The following LENG8 variants were observed in gnomAD, a reference collection of about 807,000 sequenced individuals.
LENG8 encodes the protein leukocyte receptor cluster member 8, also known as leukocyte receptor cluster (LRC) member 8.
LENG8 carries 28 observed loss-of-function variants against 102.1 expected under a neutral mutation model. The observed-to-expected ratio is 0.27, with a 90% CI of 0.20 to 0.38. The LOEUF (loss-of-function observed/expected upper bound fraction) is 0.38. Among genes scored for constraint, LENG8 ranks in the 10% least tolerant of loss-of-function variants. LENG8 has a pLI of 1.00. For missense variants in LENG8, 1,022 were observed against 1,113.9 expected (o/e 0.92, Z 1.17); for synonymous variants, 531 against 456.7 (o/e 1.16, Z -2.07).
rs1366644624 is a variant in LENG8 at position 54,457,984 on chromosome 19, C to T, written c.1884C>T (p.Ala628=). The T allele has an allele frequency of 6.2e-7, 1 of 1,613,734 alleles. No individual in the cohort carries two copies. ...EFTVEVYETH[A]RIALEKGDHE... is the part of the protein sequence containing the mutation. ...CGGTGGAGGTGTACGAGACCCATGC[C>T]CGGATCGCCTTGGAGAAGGTGAGCT... Residue 628 remains alanine (A), a synonymous_variant, in exon 13 of 16, where the codon GCC becomes GCT. Transcript: ENST00000326764.
rs761422238 is a variant in LENG8 at position 54,454,427 on chromosome 19, C to T, written c.427-3C>T. On this transcript the variant is annotated splice_polypyrimidine_tract_variant and splice_region_variant and intron_variant, in intron 5 of 15. Coordinates refer to ENST00000326764, the MANE Select transcript of LENG8 (RefSeq NM_052925.4). ...CGTGCTCAGCGCCTGCTTCCTTCTG[C>T]AGCCCCCAGTCCCCGGCATGGATGA... 1.5e-5 allele frequency: 24 copies of T among 1,597,772 alleles called. No homozygotes were observed. Among genetic ancestry groups the T allele is most frequent in the Admixed American group, 3.4e-5 (2 of 58,580 alleles).
chr19:54,457,871 C>T (rs371414782), intron 12 of LENG8, 23 bp downstream of exon 12: 1 of 1,612,786 alleles, frequency 6.2e-7, no homozygotes, highest in Non-Finnish European at 8.5e-7. Flanking sequence ...CTGGGAGGGG[C>T]CTGGCCTCAG....
In LENG8 at chr19:54,457,621, G is replaced by A. The variant is rs559560889; in HGVS notation, c.1732-126G>A. 1.5e-4 allele frequency: 111 copies of A among 729,320 alleles called. 1 individual carries two copies. The African/African-American group carries it at 1.8e-3, about 12-fold the overall frequency. 45.2% of individuals were successfully genotyped at this position (729,320 alleles called of 1,614,324 possible). A position where few individuals can be genotyped will look rare whatever the true frequency, so the allele number is the denominator to read the frequency against. On this transcript the variant is annotated intron_variant, in intron 11 of 15. Transcript: ENST00000326764. The stretch of plus-strand genomic sequence containing the variant: ...CTCCCAAAGTGCTGGGATTACAGGC[G>A]TGAGCCACTGCGCCTGGCCTTTTTT...
Position 54,461,186 on chromosome 19 carries a change from T to C in LENG8, c.*258T>C, listed in dbSNP as rs977648483. ...AGGGTTGGGGGCATGGTCTGCAGGC[T>C]CATCTGTGTCCGCCTTTCACTCCAC... On this transcript the variant is annotated 3_prime_UTR_variant, in exon 16 of 16. Coordinates refer to ENST00000326764, the MANE Select transcript of LENG8 (RefSeq NM_052925.4). 5.9e-6 allele frequency: 4 copies of C among 682,276 alleles called. No homozygotes were observed. In the African/African-American group the frequency reaches 7.0e-5, roughly 12 times the overall value. 42.3% of individuals were successfully genotyped at this position (682,276 alleles called of 1,614,324 possible).
At chr19:54,458,629 G>C in intron 15 of LENG8, 108 bp downstream of exon 15, 6 of 1,564,548 alleles carry the variant, frequency 3.8e-6, no homozygotes, top group Non-Finnish European at 5.2e-6. Flanking sequence ...CCCAACCCTT[G>C]TCCTGGTCCT....
In LENG8 at chr19:54,449,285, G is replaced by C. The variant is rs2083815973; in HGVS notation, c.-81G>C. 6.6e-6 allele frequency: 1 copy of C among 152,478 alleles called. No homozygotes were observed. Among genetic ancestry groups the C allele is most frequent in the Admixed American group, 6.5e-5 (1 of 15,292 alleles). The allele number at this position is 152,478 out of a possible 1,614,324, so 9.4% of individuals were successfully genotyped here. A position where few individuals can be genotyped will look rare whatever the true frequency, so the allele number is the denominator to read the frequency against. On this transcript the variant is annotated 5_prime_UTR_variant, in exon 1 of 16. Transcript: ENST00000326764. ...TGATCGCCTGGGTGGTTGTTGGCGT[G>C]TCCCTGCAGCGAAGGATCCTGGTTG...
At chr19:54,457,248 GT>G (rs2084300132) in intron 11 of LENG8, among the ~76,000 whole-genome samples, 1 of 152,240 alleles carries the variant, frequency 6.6e-6, no homozygotes, top group Admixed American at 6.5e-5. Context: ...AGTGTTTGGC[GT>G]AGTCACTGTT....
chr19:54,458,804 C>T (rs1446224210), intron 15 of LENG8: 2 of 1,551,106 alleles, frequency 1.3e-6, no homozygotes, highest in Admixed American at 2.0e-5. Flanking sequence ...TCTCTTCCTC[C>T]TGTTCTCTCC....
At position 54,457,902 on chromosome 19, in the gene LENG8, TTG is replaced by T. The variant is rs2084333714; in HGVS notation, c.1834-29_1834-28del. 1.9e-6 allele frequency: 3 copies of T among 1,613,892 alleles called. No individual in the cohort carries two copies. The African/African-American group carries it at 4.0e-5, about 22-fold the overall frequency. ...CTCAGCCAGTCCTGCCTCCCGCTCC[TTG>T]TGACTCTTGTTCTCGCCCCGCTGCC... On this transcript the variant is annotated intron_variant, in intron 12 of 15. Transcript: ENST00000326764.
At chr19:54,453,472 G>C in intron 4 of LENG8, 74 bp from the exon 5 acceptor site, 1 of 908,480 alleles carries the variant, frequency 1.1e-6, no homozygotes, top group East Asian at 2.5e-5. Context: ...CATGGCTGGT[G>C]TAGTTCCTGA....
Position 54,456,328 on chromosome 19 carries a change from C to T in LENG8, c.1308C>T (p.Asp436=). 4 of 1,614,044 alleles carry T rather than the reference C, an allele frequency of 2.5e-6. No homozygotes were observed. The highest frequency in any genetic ancestry group is 3.4e-6 in the Non-Finnish European group (4 of 1,179,996). Residue 436 remains aspartate (D), a synonymous_variant, in exon 10 of 16, where the codon GAC becomes GAT. Coordinates refer to ENST00000326764, the MANE Select transcript of LENG8 (RefSeq NM_052925.4). ...RSPTRHFRRS[D]SHSDSDSSYS... The stretch of plus-strand genomic sequence containing the variant: ...ACCCTCCTGCTTCTTCCTGCAGTGA[C>T]TCCCACTCAGACTCCGACAGCTCCT...
rs924849589 is a variant in LENG8, at chr19:54,457,205, C to T, written c.1731+284C>T. On this transcript the variant is annotated intron_variant, in intron 11 of 15. Transcript: ENST00000326764. The stretch of plus-strand genomic sequence containing the variant: ...GGAGCATAAAGCCTTCTCCCAGGCC[C>T]GTGGGCTGTGGGGCGTGGGGGGCTG... Among the ~76,000 whole-genome samples, 8 of 152,232 alleles carry T rather than the reference C, an allele frequency of 5.3e-5. No individual in the cohort carries two copies. In the South Asian group the frequency reaches 1.2e-3, roughly 24 times the overall value.
At chr19:54,454,801 G>A (rs1052665824) in intron 6 of LENG8, 119 bp downstream of exon 6, 1 of 1,424,862 alleles carries the variant, frequency 7.0e-7, no homozygotes, top group South Asian at 1.3e-5. Flanking sequence ...CCAGGCTGGG[G>A]GTGGGGCTGC....
Position 54,455,350 on chromosome 19 carries a change from C to G in LENG8, c.822-14C>G, listed in dbSNP as rs761061314. On this transcript the variant is annotated splice_polypyrimidine_tract_variant and intron_variant, in intron 7 of 15. Coordinates refer to ENST00000326764, the MANE Select transcript of LENG8 (RefSeq NM_052925.4). ...GATCGTCTCCAGCTGAGCCCCTCATCTGTCCTCCCGCAGCGGGTCCTCTGC... is the reference window on the plus strand; with the variant it reads ...GATCGTCTCCAGCTGAGCCCCTCATGTGTCCTCCCGCAGCGGGTCCTCTGC... 1.5e-5 allele frequency: 25 copies of G among 1,613,562 alleles called. No homozygotes were observed. Among genetic ancestry groups the G allele is most frequent in the Non-Finnish European group, 2.1e-5 (25 of 1,179,698 alleles).
chr19:54,456,592 G>A lies in LENG8; in HGVS notation c.1446-44G>A, dbSNP rs1025375250. ...GCCAAAGGGGCGAGGCTGAAGGGGG[G>A]CTGGAGACGCCTGTCGCGCTCACTG... is the stretch of plus-strand genomic sequence containing the variant. On this transcript the variant is annotated intron_variant, in intron 10 of 15. Coordinates refer to ENST00000326764, the MANE Select transcript of LENG8 (RefSeq NM_052925.4). 6 of 1,566,982 alleles carry A rather than the reference G, an allele frequency of 3.8e-6. No individual in the cohort carries two copies. The Admixed American group carries it at 5.6e-5, about 14-fold the overall frequency.
In LENG8 at chr19:54,458,344, G is replaced by A. The variant is rs139078013; in HGVS notation, c.2063G>A (p.Arg688Gln). Residue 688 changes from arginine (R) to glutamine (Q), a missense_variant, in exon 15 of 16, where the codon CGA becomes CAA. Physicochemically the swap from Arg to Gln is conservative, Grantham distance 43. Around this residue, in one of 7 missense-constraint regions of LENG8, gnomAD observed 158 missense variants for 229.0 expected, o/e 0.69. Transcript: ENST00000326764. ...ACCACGGAGCTGGCATACCTCACAC[G>A]AGAACTGAAGGCAGATCCTTGCGTG... is the stretch of plus-strand genomic sequence containing the variant. ...DITTELAYLT[R>Q]ELKADPCVAH... The A allele has an allele frequency of 1.7e-5, 27 of 1,613,898 alleles. No homozygotes were observed. The highest frequency in any genetic ancestry group is 8.0e-5 in the African/African-American group (6 of 74,942).
rs1241529064 is a variant in LENG8 at position 54,456,988 on chromosome 19, C to T, written c.1731+67C>T. 6 of 1,489,514 alleles carry T rather than the reference C, an allele frequency of 4.0e-6. No homozygotes were observed. The African/African-American group carries it at 4.2e-5, about 10-fold the overall frequency. 92.3% of individuals were successfully genotyped at this position (1,489,514 alleles called of 1,614,324 possible). A position where few individuals can be genotyped will look rare whatever the true frequency, so the allele number is the denominator to read the frequency against. On this transcript the variant is annotated intron_variant, in intron 11 of 15. Transcript: ENST00000326764. Reference sequence around the variant, plus strand: ...TGGCTCAGGACTTGGGGAGCCAACCCAGGGAGGGTGGCAGAGGCCACACGG... The same window carrying T: ...TGGCTCAGGACTTGGGGAGCCAACCTAGGGAGGGTGGCAGAGGCCACACGG...
At position 54,455,536 on chromosome 19, in the gene LENG8, A is replaced by G. The variant is rs1717055810; in HGVS notation, c.994A>G (p.Thr332Ala). ...GCGGCTGCAGGACGGCTCGGCCTAT[A>G]CCATTGACTGGAGCCGGGAGCCCTT... ...QARLQDGSAYTIDWSREPLPG... is the reference protein window; with the variant it reads ...QARLQDGSAYAIDWSREPLPG... The change falls in exon 8 of 16, where the codon ACC becomes GCC. Residue 332 changes from threonine to alanine, a missense_variant. This residue lies in a region of LENG8 where 326 missense variants were observed against 324.5 expected (regional missense o/e 1.00). Coordinates refer to ENST00000326764, the MANE Select transcript of LENG8 (RefSeq NM_052925.4). The G allele has an allele frequency of 9.3e-6, 15 of 1,612,840 alleles. No homozygotes were observed. The highest frequency in any genetic ancestry group is 4.5e-5 in the East Asian group (2 of 44,858).
chr19:54,451,533 G>T (rs771772189), intron 2 of LENG8, 151 bp downstream of exon 2: 64 of 776,790 alleles, frequency 8.2e-5, no homozygotes, highest in Middle Eastern at 6.6e-4. Flanking sequence ...AACACAGAGG[G>T]AAGCATTTGG....
Sources: allele counts gnomAD v4.1 joint callset (sites outside exome capture counted in the v4.1 genomes callset), GRCh38; gene constraint gnomAD v4.1.1; regional missense constraint gnomAD v4.1.1; transcripts MANE v1.5; gene names NCBI Gene and HGNC (gene_info 2026-07-23, HGNC 2026-07-21).